Variants in CCM2 observed in about 807,000 individuals in gnomAD.
CCM2 encodes cerebral cavernous malformations 2 protein.
In CCM2, 25 loss-of-function variants were observed where a neutral mutation model predicts 44.9. The ratio of observed to expected loss-of-function variants is 0.56; its 90% CI spans 0.41 to 0.78. The LOEUF (loss-of-function observed/expected upper bound fraction) is 0.78. Ranked by LOEUF, CCM2 falls within the 30% of genes least tolerant of loss-of-function variation. CCM2 has a pLI of 0.00. For missense variants in CCM2, 481 were observed against 580.6 expected (o/e 0.83, Z 1.76); for synonymous variants, 219 against 241.1 (o/e 0.91, Z 0.85).
chr7:45,073,356 C>A (rs1276021391), intron 7 of CCM2, 104 bp from the exon 8 acceptor site: 6 of 757,524 alleles, frequency 7.9e-6, no homozygotes, highest in Non-Finnish European at 1.2e-5. Context: ...TTCCTCTGTT[C>A]AAGGACAGGG....
chr7:45,032,772 G>T (rs1036872778), intron 1 of CCM2, among the ~76,000 whole-genome samples: 5 of 152,106 alleles, frequency 3.3e-5, no homozygotes, highest in African/African-American at 1.2e-4. Context: ...CAGGCCTAAT[G>T]GCTCATGCCT....
At chr7:45,021,119 G>A (rs902882056) in intron 1 of CCM2, among the ~76,000 whole-genome samples, 7 of 152,102 alleles carry the variant, frequency 4.6e-5, no homozygotes, top group Non-Finnish European at 2.9e-5. Flanking sequence ...AAAGCCAGGT[G>A]TGGCGACATG....
At chr7:45,045,606 A>G (rs538917519) in intron 2 of CCM2, among the ~76,000 whole-genome samples, 15 of 152,286 alleles carry the variant, frequency 9.8e-5, no homozygotes, top group African/African-American at 3.4e-4. Context: ...CCTGGCTAAC[A>G]TGGTGAAACA....
At position 45,038,407 on chromosome 7, in the gene CCM2, A is replaced by G. The variant is rs1797329002; in HGVS notation, c.185A>G (p.Tyr62Cys). The G allele has an allele frequency of 6.2e-7, 1 of 1,614,082 alleles. No homozygotes were observed. Residue 62 changes from tyrosine (Y) to cysteine (C), a missense_variant, in exon 2 of 10, where the codon TAT becomes TGT. Tyr to Cys is a radical substitution (Grantham distance 194, BLOSUM62 -2). Coordinates refer to ENST00000258781, the MANE Select transcript of CCM2 (RefSeq NM_031443.4). ...GAGCCAGACAGACTGCTGAGCGACTATATTGAGAAGGAGGTAAAGGTAAGT... is the reference window on the plus strand; with the variant it reads ...GAGCCAGACAGACTGCTGAGCGACTGTATTGAGAAGGAGGTAAAGGTAAGT... ...RVEPDRLLSD[Y>C]IEKEVKYLGQ...
At chr7:45,073,853 C>T (rs1799210893) in intron 8 of CCM2, 2 of 556,030 alleles carry the variant, frequency 3.6e-6, no homozygotes, top group Non-Finnish European at 6.4e-6. Flanking sequence ...GTGGCCCCTG[C>T]AAGGCCACAT....
chr7:45,022,290 CTTTTTTTTTTTT>C (rs34095527), intron 1 of CCM2, among the ~76,000 whole-genome samples: 77 of 45,470 alleles, frequency 1.7e-3, no homozygotes, highest in Non-Finnish European at 2.2e-3. Flanking sequence ...TTTGGACCAG[CTTTTTTTTTTTT>C]TTTTTTTTTT....
At chr7:45,020,836 C>T (rs57128405) in intron 1 of CCM2, among the ~76,000 whole-genome samples, 29,122 of 129,090 alleles carry the variant, frequency 0.23, 2,844 homozygotes, top group Admixed American at 0.28. Flanking sequence ...AAAAAAATCA[C>T]ACCCACTAGA....
In CCM2 at chr7:45,033,044, CAAAAAAAAAA is replaced by C. The variant is rs60956411; in HGVS notation, c.31-5191_31-5182del. Among the ~76,000 whole-genome samples, 13 of 58,084 alleles carry C rather than the reference CAAAAAAAAAA, an allele frequency of 2.2e-4. 1 individual carries two copies. Among genetic ancestry groups the C allele is most frequent in the South Asian group, 1.1e-3 (1 of 926 alleles). 38.1% of individuals were successfully genotyped at this position (58,084 alleles called of 152,430 possible). A position where few individuals can be genotyped will look rare whatever the true frequency, so the allele number is the denominator to read the frequency against. ...TGGTGACAAGAGCAAAACTCCGTCT[CAAAAAAAAAA>C]AAAAAAAAAAAAAAAAAGAGCAAAG... is the stretch of plus-strand genomic sequence containing the variant. On this transcript the variant is annotated intron_variant, in intron 1 of 9. Coordinates refer to ENST00000258781, the MANE Select transcript of CCM2 (RefSeq NM_031443.4).
chr7:45,054,528 A>G (rs973746891), intron 2 of CCM2, among the ~76,000 whole-genome samples: 25 of 152,002 alleles, frequency 1.6e-4, no homozygotes, highest in African/African-American at 5.8e-4. Flanking sequence ...TTGTTTTTAG[A>G]AGAATTTTCT....
At chr7:45,018,630 G>A (rs573546552) in intron 1 of CCM2, among the ~76,000 whole-genome samples, 1 of 152,182 alleles carries the variant, frequency 6.6e-6, no homozygotes, top group East Asian at 1.9e-4. Flanking sequence ...CAAGGCGTGA[G>A]CCACCATGCC....
At chr7:45,056,153 CAAA>C (rs2128743098) in intron 2 of CCM2, among the ~76,000 whole-genome samples, 1 of 150,866 alleles carries the variant, frequency 6.6e-6, no homozygotes, top group East Asian at 1.9e-4. Flanking sequence ...CATGGGTGTA[CAAA>C]TGTCTTTTCA....
intron 2 of CCM2, among the ~76,000 whole-genome samples, chr7:45,051,648 C>T (rs1200834888): frequency 1.3e-5 from 2 of 152,148 alleles, no homozygotes; most frequent in Non-Finnish European, 2.9e-5. Context: ...GCAAGCTCTG[C>T]CTCCCGGGTT....
intron 2 of CCM2, among the ~76,000 whole-genome samples, chr7:45,048,635 C>T (rs552090076): frequency 3.3e-5 from 5 of 152,160 alleles, no homozygotes; most frequent in African/African-American, 1.2e-4. Flanking sequence ...TGGTGGTGTG[C>T]ACCTGTAGTC....
intron 1 of CCM2, among the ~76,000 whole-genome samples, chr7:45,002,295 TG>T (rs1322275480): frequency 2.0e-5 from 3 of 152,226 alleles, no homozygotes; most frequent in African/African-American, 4.8e-5. Flanking sequence ...AGAATTAGGC[TG>T]GGTATGGTAG....
rs145054979 is a variant in CCM2, at chr7:45,019,617, C to T, written c.31-18636C>T. On this transcript the variant is annotated intron_variant, in intron 1 of 9. Coordinates refer to ENST00000258781, the MANE Select transcript of CCM2 (RefSeq NM_031443.4). ...CTTTTTTTTTGAGACGGATCTTGCT[C>T]TGTTACCCAGGTTAGAGTGCAATGG... Among the ~76,000 whole-genome samples the T allele has an allele frequency of 7.2e-5, 11 of 152,216 alleles. No homozygotes were observed. In the East Asian group the frequency reaches 2.1e-3, roughly 29 times the overall value.
At chr7:45,016,913 G>T (rs556955722) in intron 1 of CCM2, among the ~76,000 whole-genome samples, 1 of 152,222 alleles carries the variant, frequency 6.6e-6, no homozygotes, top group South Asian at 2.1e-4. Flanking sequence ...GATTACAGGC[G>T]TGAGCCACCT....
At chr7:45,003,785 T>C (rs1173660160) in intron 1 of CCM2, among the ~76,000 whole-genome samples, 1 of 152,034 alleles carries the variant, frequency 6.6e-6, no homozygotes, top group East Asian at 1.9e-4. Context: ...GCTTCTCTGC[T>C]GCCTCTGGTC....
At chr7:45,067,309 A>T (rs1798830632) in intron 4 of CCM2, among the ~76,000 whole-genome samples, 1 of 150,066 alleles carries the variant, frequency 6.7e-6, no homozygotes, top group South Asian at 2.1e-4. Context: ...TACAGGCATG[A>T]GCCACCACGC....
intron 1 of CCM2, among the ~76,000 whole-genome samples, chr7:45,016,090 C>T (rs923967422): frequency 3.9e-5 from 6 of 152,178 alleles, no homozygotes; most frequent in Non-Finnish European, 8.8e-5. Context: ...GGAAAGGATA[C>T]TTTATTTCTT....
Sources: gnomAD v4.1 joint callset for allele counts (sites outside exome capture counted in the v4.1 genomes callset) on GRCh38, gnomAD v4.1.1 for gene constraint, MANE v1.5 for transcripts, NCBI Gene and HGNC (gene_info 2026-07-23, HGNC 2026-07-21) for gene names.